Variants in HEG1 observed in about 807,000 individuals in gnomAD.
The protein encoded by HEG1 is protein HEG homolog 1.
A neutral mutation model predicts 125.6 loss-of-function variants in HEG1; 56 were observed. That is an observed-to-expected ratio of 0.45 (90% CI 0.36 to 0.56). HEG1 has a LOEUF of 0.56. Among genes scored for constraint, HEG1 ranks in the 20% least tolerant of loss-of-function variants. HEG1 has a pLI of 0.00. For missense variants in HEG1, 1,523 were observed against 1,670.0 expected (o/e 0.91, Z 1.53); for synonymous variants, 644 against 668.5 (o/e 0.96, Z 0.57).
Position 125,027,346 on chromosome 3 carries a change from A to C in HEG1, c.772T>G (p.Trp258Gly), listed in dbSNP as rs1379017785. The C allele has an allele frequency of 6.2e-7, 1 of 1,613,998 alleles. No individual in the cohort carries two copies. ...VHSQEATTSAWSPSFLPALEM... is the reference protein window; with the variant it reads ...VHSQEATTSAGSPSFLPALEM... ...AAAGCAGGAAGAAAGGACGGGCTCC[A>C]AGCCGAAGTGGTGGCCTCTTGGCTG... is the stretch of plus-strand genomic sequence containing the variant. Residue 258 changes from tryptophan (W) to glycine (G), a missense_variant, in exon 3 of 17, where the codon TGG becomes GGG. Physicochemically the swap from Trp to Gly is radical, Grantham distance 184. Coordinates refer to ENST00000311127, the MANE Select transcript of HEG1 (RefSeq NM_020733.2).
At position 125,021,341 on chromosome 3, in the gene HEG1, G is replaced by C. The variant is rs940972378; in HGVS notation, c.914-211C>G. On this transcript the variant is annotated intron_variant, in intron 3 of 16. Coordinates refer to ENST00000311127, the MANE Select transcript of HEG1 (RefSeq NM_020733.2). ...CTAGGTCTAATCCTCACAGAGGAAG[G>C]TGGAGAACACCGAGATCCCTCACCA... Among the ~76,000 whole-genome samples, 11 of 151,104 alleles carry C rather than the reference G, an allele frequency of 7.3e-5. No individual in the cohort carries two copies. The South Asian group carries it at 1.7e-3, about 23-fold the overall frequency.
rs577447111 is a variant in HEG1 at position 124,983,754 on chromosome 3, C to T, written c.3734-5808G>A. Among the ~76,000 whole-genome samples, 151 of 152,198 alleles carry T rather than the reference C, an allele frequency of 9.9e-4. 2 individuals carry two copies. Among genetic ancestry groups the T allele is most frequent in the African/African-American group, 3.4e-3 (142 of 41,520 alleles). On this transcript the variant is annotated intron_variant, in intron 14 of 16. Transcript: ENST00000311127. ...TCTACAACCAGGGTGTGAACATACC[C>T]GGTGCCCACCACTCTCCACTGTGAC...
At chr3:124,995,949 A>G (rs1203978338) in intron 12 of HEG1, among the ~76,000 whole-genome samples, 2 of 152,172 alleles carry the variant, frequency 1.3e-5, no homozygotes, top group Admixed American at 1.3e-4. Flanking sequence ...TTGTTGAGAC[A>G]CTGTTCACAG....
intron 9 of HEG1, 71 bp from the exon 10 acceptor site, chr3:125,002,386 A>G: frequency 7.4e-7 from 1 of 1,360,080 alleles, no homozygotes; most frequent in South Asian, 1.3e-5. Flanking sequence ...CCAGTTTCCT[A>G]TTTTCAGGAT....
chr3:124,970,761 A>G lies in HEG1; in HGVS notation c.4037T>C (p.Leu1346Pro), dbSNP rs1335341354. 6.2e-7 allele frequency: 1 copy of G among 1,610,414 alleles called. No homozygotes were observed. The highest frequency in any genetic ancestry group is 8.5e-7 in the Non-Finnish European group (1 of 1,178,532). Residue 1346 changes from leucine (L) to proline (P), a missense_variant, in exon 17 of 17, where the codon CTC becomes CCC. Physicochemically the swap from Leu to Pro is moderately conservative, Grantham distance 98. Transcript: ENST00000311127. Reference protein sequence around the residue: ...VRNPELERNGLYPAYTGLPGS... With the variant: ...VRNPELERNGPYPAYTGLPGS... ...TGGCAGTCCAGTGTAGGCCGGGTAG[A>G]GTCCGTTTCGTTCAAGTTCTGGATT...
intron 14 of HEG1, 129 bp from the exon 15 acceptor site, chr3:124,978,075 C>T: frequency 1.6e-6 from 1 of 615,978 alleles, no homozygotes. Context: ...CCTACAACTT[C>T]CTACTCTCTG....
In HEG1 at chr3:124,967,255, G is replaced by A. The variant is rs1484182099; in HGVS notation, c.*3397C>T. 3.9e-5 allele frequency: 6 copies of A among 152,188 alleles called. No homozygotes were observed. Among genetic ancestry groups the A allele is most frequent in the Non-Finnish European group, 8.8e-5 (6 of 68,042 alleles). The allele number at this position is 152,188 out of a possible 1,614,324, so 9.4% of individuals were successfully genotyped here. ...AGCCATGGCCTTACCACGGGAACAA[G>A]GCAAGCAGCTCTCAGATGGATGTGT... On this transcript the variant is annotated 3_prime_UTR_variant, in exon 17 of 17. Transcript: ENST00000311127.
intron 1 of HEG1, among the ~76,000 whole-genome samples, chr3:125,032,164 G>A (rs907124925): frequency 3.3e-5 from 5 of 152,176 alleles, no homozygotes; most frequent in East Asian, 3.8e-4. Context: ...TCAACCACAC[G>A]TGGCTGGTGG....
At chr3:125,037,228 A>G (rs1341224104) in intron 1 of HEG1, among the ~76,000 whole-genome samples, 1 of 152,244 alleles carries the variant, frequency 6.6e-6, no homozygotes, top group Non-Finnish European at 1.5e-5. Context: ...AAATATATCT[A>G]TGACAAATTG....
Position 125,013,067 on chromosome 3 carries a change from T to C in HEG1, c.2512A>G (p.Met838Val). 1 of 1,613,912 alleles carries C rather than the reference T, an allele frequency of 6.2e-7. No individual in the cohort carries two copies. Among genetic ancestry groups the C allele is most frequent in the Non-Finnish European group, 8.5e-7 (1 of 1,179,860 alleles). Residue 838 changes from methionine (M) to valine (V), a missense_variant, in exon 6 of 17, where the codon ATG becomes GTG. Transcript: ENST00000311127. ...LPATSTNLAQMSPTFTTTILK... is the reference protein window; with the variant it reads ...LPATSTNLAQVSPTFTTTILK... ...ATGGTAGTTGTGAAAGTTGGAGACA[T>C]TTGTGCTAAGTTGGTGCTTGTGGCT...
chr3:125,032,139 T>TG (rs1426533306), intron 1 of HEG1, among the ~76,000 whole-genome samples: 1 of 152,186 alleles, frequency 6.6e-6, no homozygotes, highest in Admixed American at 6.5e-5. Flanking sequence ...TAGCCACACG[T>TG]GGCTGGTGGC....
intron 5 of HEG1, chr3:125,014,888 T>C (rs1937221337): frequency 7.8e-7 from 1 of 1,289,728 alleles, no homozygotes; most frequent in Non-Finnish European, 1.0e-6. Flanking sequence ...GCAGTGTGCG[T>C]TCCCCGTTTC....
At chr3:125,044,087 G>A (rs538320796) in intron 1 of HEG1, among the ~76,000 whole-genome samples, 36 of 152,344 alleles carry the variant, frequency 2.4e-4, no homozygotes, top group Non-Finnish European at 4.1e-4. Context: ...GAGCGTTGAC[G>A]ACTGCTAGAA....
intron 12 of HEG1, among the ~76,000 whole-genome samples, chr3:124,992,286 G>C (rs995240211): frequency 1.3e-5 from 2 of 152,176 alleles, no homozygotes; most frequent in Non-Finnish European, 2.9e-5. Flanking sequence ...TTGCAGCCTG[G>C]CCATTTCCCT....
chr3:124,978,558 T>C (rs1936589748), intron 14 of HEG1, among the ~76,000 whole-genome samples: 1 of 152,200 alleles, frequency 6.6e-6, no homozygotes, highest in Admixed American at 6.5e-5. Flanking sequence ...AAAATAAATG[T>C]GAGTTATGAG....
rs117180776 is a variant in HEG1, at chr3:125,028,517, C to A, written c.610+678G>T. On this transcript the variant is annotated intron_variant, in intron 2 of 16. Coordinates refer to ENST00000311127, the MANE Select transcript of HEG1 (RefSeq NM_020733.2). ...CCAGGCATTCCACACCTCAGCACCCCCACCACCTTGCTCAGATACATACAC... is the reference window on the plus strand; with the variant it reads ...CCAGGCATTCCACACCTCAGCACCCACACCACCTTGCTCAGATACATACAC... Among the ~76,000 whole-genome samples, 113 of 152,316 alleles carry A rather than the reference C, an allele frequency of 7.4e-4. 2 individuals carry two copies. The East Asian group carries it at 0.021, about 28-fold the overall frequency.
intron 14 of HEG1, among the ~76,000 whole-genome samples, chr3:124,979,197 C>A (rs982571699): frequency 4.6e-5 from 7 of 152,160 alleles, no homozygotes; most frequent in Non-Finnish European, 1.0e-4. Flanking sequence ...GGTGGTCCAC[C>A]AGCCTCGGCC....
chr3:124,984,579 T>G (rs1936709148), intron 14 of HEG1, among the ~76,000 whole-genome samples: 1 of 151,946 alleles, frequency 6.6e-6, no homozygotes, highest in Non-Finnish European at 1.5e-5. Context: ...GCCAACATGA[T>G]GAAAACCTGC....
At chr3:125,049,902 A>T (rs1937764265) in intron 1 of HEG1, among the ~76,000 whole-genome samples, 1 of 152,216 alleles carries the variant, frequency 6.6e-6, no homozygotes, top group Non-Finnish European at 1.5e-5. Context: ...AGAAGCCATC[A>T]GGGGCTCCTT....
Sources: gnomAD v4.1 joint callset for allele counts (sites outside exome capture counted in the v4.1 genomes callset) on GRCh38, gnomAD v4.1.1 for gene constraint, MANE v1.5 for transcripts, NCBI Gene and HGNC (gene_info 2026-07-23, HGNC 2026-07-21) for gene names.